SLC22A3: variants seen among roughly 807,000 people sequenced by gnomAD.
SLC22A3 encodes the protein solute carrier family 22 member 3, also known as EMT organic cation transporter 3.
SLC22A3 carries 51 observed loss-of-function variants against 59.1 expected under a neutral mutation model. That is an observed-to-expected ratio of 0.86 (90% CI 0.69 to 1.09). SLC22A3 has a LOEUF of 1.09. Ranked by LOEUF, SLC22A3 falls within the 50% of genes least tolerant of loss-of-function variation. The pLI, the probability that SLC22A3 is intolerant of heterozygous loss-of-function variation, is 0.00. For synonymous variants in SLC22A3, 325 were observed against 292.0 expected (o/e 1.11, Z -1.15); for missense variants, 711 against 726.3 (o/e 0.98, Z 0.24).
At position 160,398,002 on chromosome 6, in the gene SLC22A3, G is replaced by A. The variant is rs763011960; in HGVS notation, c.453G>A (p.Ala151=). 9.9e-6 allele frequency: 16 copies of A among 1,613,376 alleles called. No homozygotes were observed. Among genetic ancestry groups the A allele is most frequent in the Admixed American group, 6.7e-5 (4 of 59,978 alleles). The stretch of plus-strand genomic sequence containing the variant: ...AGTTTGACCTTGTCTGTGTCAATGC[G>A]TGGATGCTGGACCTCACCCAAGCCA... ...VSEFDLVCVN[A]WMLDLTQAIL... is the part of the protein sequence containing the mutation. The change falls in exon 2 of 11, where the codon GCG becomes GCA. Residue 151 remains alanine (A), a synonymous_variant. Coordinates refer to ENST00000275300, the MANE Select transcript of SLC22A3 (RefSeq NM_021977.4).
At chr6:160,439,434 T>G (rs1382273262) in intron 7 of SLC22A3, among the ~76,000 whole-genome samples, 1 of 152,032 alleles carries the variant, frequency 6.6e-6, no homozygotes, top group Non-Finnish European at 1.5e-5. Context: ...ATATATATAC[T>G]TTACTCTATA....
At chr6:160,354,080 A>G (rs1377589041) in intron 1 of SLC22A3, among the ~76,000 whole-genome samples, 3 of 152,126 alleles carry the variant, frequency 2.0e-5, no homozygotes, top group African/African-American at 7.2e-5. Flanking sequence ...GTCTTGGTAA[A>G]CCTTAGAAAG....
At chr6:160,438,178 G>T (rs902917967) in intron 7 of SLC22A3, among the ~76,000 whole-genome samples, 1 of 152,158 alleles carries the variant, frequency 6.6e-6, no homozygotes, top group Non-Finnish European at 1.5e-5. Context: ...GGTAGATGGG[G>T]TGCAGGCCAG....
chr6:160,424,729 C>T (rs890398490), intron 5 of SLC22A3, among the ~76,000 whole-genome samples: 24 of 152,184 alleles, frequency 1.6e-4, no homozygotes, highest in Admixed American at 3.3e-4. Context: ...TTCCCAGTTG[C>T]CTGTCTCTGA....
chr6:160,407,122 C>G lies in SLC22A3; in HGVS notation c.615C>G (p.Phe205Leu). 1 of 1,612,104 alleles carries G rather than the reference C, an allele frequency of 6.2e-7. No homozygotes were observed. The highest frequency in any genetic ancestry group is 8.5e-7 in the Non-Finnish European group (1 of 1,179,016). Reference protein sequence around the residue: ...TGVVVAFAPNFPVFVIFRFLQ... With the variant: ...TGVVVAFAPNLPVFVIFRFLQ... ...TTGTGGTGGCCTTTGCACCAAACTT[C>G]CCTGTGTTTGTGATCTTCCGCTTCC... is the stretch of plus-strand genomic sequence containing the variant. The change falls in exon 3 of 11, where the codon TTC becomes TTG. Residue 205 changes from phenylalanine to leucine, a missense_variant. Phe to Leu is a conservative substitution (Grantham distance 22). Coordinates refer to ENST00000275300, the MANE Select transcript of SLC22A3 (RefSeq NM_021977.4).
intron 1 of SLC22A3, among the ~76,000 whole-genome samples, chr6:160,370,446 TC>T (rs996963841): frequency 2.0e-5 from 3 of 152,302 alleles, no homozygotes; most frequent in Admixed American, 6.5e-5. Context: ...TCTCCATCTT[TC>T]TAAAAAGTAA....
intron 1 of SLC22A3, among the ~76,000 whole-genome samples, chr6:160,372,066 G>C (rs1454957797): frequency 6.6e-6 from 1 of 152,146 alleles, no homozygotes; most frequent in Non-Finnish European, 1.5e-5. Context: ...TTACAAGTGG[G>C]ATGACAGTGT....
chr6:160,427,811 G>A (rs2114897329), intron 5 of SLC22A3, among the ~76,000 whole-genome samples: 1 of 152,208 alleles, frequency 6.6e-6, no homozygotes, highest in Non-Finnish European at 1.5e-5. Context: ...GCCTTTTCAT[G>A]GAACTCAAAA....
chr6:160,376,158 A>T (rs1410902308), intron 1 of SLC22A3, among the ~76,000 whole-genome samples: 1 of 152,240 alleles, frequency 6.6e-6, no homozygotes, highest in African/African-American at 2.4e-5. Flanking sequence ...AATACTATGC[A>T]GCCATAAAAA....
Position 160,451,078 on chromosome 6 carries a change from G to A in SLC22A3, c.*22G>A. 1 of 1,580,748 alleles carries A rather than the reference G, an allele frequency of 6.3e-7. No individual in the cohort carries two copies. Among genetic ancestry groups the A allele is most frequent in the Non-Finnish European group, 8.6e-7 (1 of 1,160,350 alleles). Reference sequence around the variant, plus strand: ...TTGAGGCCCCCGACAAAGACAGAAAGAAGGAGCTATCCAGGAGCTGATCCT... The same window carrying A: ...TTGAGGCCCCCGACAAAGACAGAAAAAAGGAGCTATCCAGGAGCTGATCCT... On this transcript the variant is annotated 3_prime_UTR_variant, in exon 11 of 11. Transcript: ENST00000275300.
rs1342519461 is a variant in SLC22A3 at position 160,348,750 on chromosome 6, G to C, written c.331G>C (p.Ala111Pro). 1 of 1,539,060 alleles carries C rather than the reference G, an allele frequency of 6.5e-7. No homozygotes were observed. The highest frequency in any genetic ancestry group is 8.7e-7 in the Non-Finnish European group (1 of 1,148,644). The stretch of plus-strand genomic sequence containing the variant: ...CTCCGCCACTAGCGCTCTCAGCTGC[G>C]CGGACCCACTCGCCGCCTTCCCCAA... ...SASATSALSC[A>P]DPLAAFPNRS... Residue 111 changes from alanine (A) to proline (P), a missense_variant, in exon 1 of 11, where the codon GCG (alanine) becomes CCG (proline). Ala to Pro is a conservative substitution (Grantham distance 27). Transcript: ENST00000275300.
intron 5 of SLC22A3, among the ~76,000 whole-genome samples, chr6:160,424,198 T>C (rs1787865255): frequency 6.6e-6 from 1 of 152,174 alleles, no homozygotes; most frequent in Non-Finnish European, 1.5e-5. Flanking sequence ...TATGGAGTTA[T>C]TGCAAAGATC....
chr6:160,422,096 G>A (rs1787763160), intron 5 of SLC22A3, among the ~76,000 whole-genome samples: 1 of 152,188 alleles, frequency 6.6e-6, no homozygotes, highest in Admixed American at 6.5e-5. Context: ...GTGTTGCCAT[G>A]GCAGTACTGC....
At chr6:160,403,471 GA>G (rs1342541954) in intron 2 of SLC22A3, among the ~76,000 whole-genome samples, 13 of 151,900 alleles carry the variant, frequency 8.6e-5, no homozygotes, top group Non-Finnish European at 1.6e-4. Flanking sequence ...CAAACGTTTA[GA>G]GAAGAAACTC....
At chr6:160,418,193 G>A (rs971847903) in intron 5 of SLC22A3, among the ~76,000 whole-genome samples, 3 of 152,188 alleles carry the variant, frequency 2.0e-5, no homozygotes, top group African/African-American at 7.2e-5. Context: ...TTGGCTGCCA[G>A]TGTGGCTTGA....
At chr6:160,356,097 G>T (rs1051780771) in intron 1 of SLC22A3, among the ~76,000 whole-genome samples, 4 of 152,220 alleles carry the variant, frequency 2.6e-5, no homozygotes, top group Non-Finnish European at 4.4e-5. Flanking sequence ...ACCATGGCTA[G>T]GCCAACCCTG....
chr6:160,369,618 G>A (rs907077743), intron 1 of SLC22A3, among the ~76,000 whole-genome samples: 1 of 152,086 alleles, frequency 6.6e-6, no homozygotes, highest in African/African-American at 2.4e-5. Flanking sequence ...ATAAAAGTAA[G>A]GAAGCTTTCA....
intron 1 of SLC22A3, among the ~76,000 whole-genome samples, chr6:160,352,494 C>G (rs142345975): frequency 5.1e-4 from 77 of 152,190 alleles, no homozygotes; most frequent in African/African-American, 1.8e-3. Context: ...TTTTTCAATG[C>G]TTGCTAATAT....
chr6:160,428,992 C>T (rs962937440), intron 5 of SLC22A3, among the ~76,000 whole-genome samples: 4 of 152,164 alleles, frequency 2.6e-5, no homozygotes, highest in East Asian at 3.9e-4. Context: ...GGCTGGTCCT[C>T]GTCTGACTAA....
Sources: allele counts gnomAD v4.1 joint callset (sites outside exome capture counted in the v4.1 genomes callset), GRCh38; gene constraint gnomAD v4.1.1; transcripts MANE v1.5; gene names NCBI Gene and HGNC (gene_info 2026-07-23, HGNC 2026-07-21).